MELTF: variants seen among roughly 807,000 people sequenced by gnomAD.
MELTF encodes melanotransferrin, also known as antigen p97 (melanoma associated) identified by monoclonal antibodies 133.2 and 96.5.
In MELTF, 67 loss-of-function variants were observed where a neutral mutation model predicts 83.7. The ratio of observed to expected loss-of-function variants is 0.80; its 90% CI spans 0.66 to 0.98. The LOEUF (loss-of-function observed/expected upper bound fraction) is 0.98, where lower values mean the gene tolerates loss of function less well. MELTF is among the 50% of genes least tolerant of loss of function. The pLI is 0.00. For synonymous variants in MELTF, 462 were observed against 447.6 expected, an observed-to-expected ratio of 1.03 and a Z score of -0.41; for missense variants, 1,002 against 1,035.6, an observed-to-expected ratio of 0.97 and a Z score of 0.44.
In MELTF at chr3:197,008,752, C is replaced by T. The variant is rs769982700; in HGVS notation, c.1683-28G>A. ...GCCACACAGAGGGCAGGGCAGGCGT[C>T]GGCAGGAGGGTCCCAGCCTCTGCAC... On this transcript the variant is annotated intron_variant, in intron 12 of 15. Transcript: ENST00000296350. The surrounding 1 kb of genome is among the most constrained non-coding windows in gnomAD (Gnocchi z 5.4). 62 of 1,613,792 alleles carry T rather than the reference C, an allele frequency of 3.8e-5. No homozygotes were observed. The highest frequency in any genetic ancestry group is 4.9e-5 in the Non-Finnish European group (58 of 1,179,904).
intron 1 of MELTF, chr3:197,028,208 G>A: frequency 2.8e-6 from 1 of 363,384 alleles, no homozygotes; most frequent in Non-Finnish European, 5.1e-6. Context: ...CCCCCACCTG[G>A]TGGGAGCACT....
chr3:197,020,290 C>T (rs1211816131), intron 6 of MELTF, among the ~76,000 whole-genome samples: 1 of 152,172 alleles, frequency 6.6e-6, no homozygotes, highest in African/African-American at 2.4e-5. Context: ...AAGAAATGGG[C>T]ATGAAGGACA....
chr3:197,021,436 A>G lies in MELTF; in HGVS notation c.680T>C (p.Val227Ala). The change falls in exon 6 of 16, where the codon GTG becomes GCG. Residue 227 changes from valine to alanine, a missense_variant. By Grantham distance (64) the Val-to-Ala change is moderately conservative. Transcript: ENST00000296350. ...GTTCTCCAGTACCGTGCTGTGCTTC[A>G]CAAAAGCCACGTCCCCTGCCCCTTC... Reference protein sequence around the residue: ...LAEGAGDVAFVKHSTVLENTD... With the variant: ...LAEGAGDVAFAKHSTVLENTD... 6.2e-7 allele frequency: 1 copy of G among 1,614,090 alleles called. No homozygotes were observed.
rs1029259540 is a variant in MELTF, at chr3:197,029,455, G to A, written c.49+199C>T. 2.6e-5 allele frequency among the ~76,000 whole-genome samples: 4 copies of A among 152,104 alleles called. No homozygotes were observed. Among genetic ancestry groups the A allele is most frequent in the African/African-American group, 9.7e-5 (4 of 41,430 alleles). On this transcript the variant is annotated intron_variant, in intron 1 of 15. Coordinates refer to ENST00000296350, the MANE Select transcript of MELTF (RefSeq NM_005929.6). This position sits in a 1 kb window ranked among gnomAD's most constrained non-coding sequence, Gnocchi z 6.5. The stretch of plus-strand genomic sequence containing the variant: ...GGGTGTTCGAGGCCGCCTCCTCCAA[G>A]AAGCCTTCCAGACTTCCCCGTCTGC...
At position 197,016,264 on chromosome 3, in the gene MELTF, C is replaced by T. The variant is rs530743579; in HGVS notation, c.1006G>A (p.Ala336Thr). The change falls in exon 8 of 16, where the codon GCC becomes ACC. Residue 336 changes from alanine to threonine, a missense_variant. Transcript: ENST00000296350. ...KDSTSELVPI[A>T]TQTYEAWLGH... ...AGCCACGCCTCATAGGTCTGTGTGGCGATGGGCACAAGCTCCGAGGTAGAG... is the reference window on the plus strand; with the variant it reads ...AGCCACGCCTCATAGGTCTGTGTGGTGATGGGCACAAGCTCCGAGGTAGAG... 1.4e-5 allele frequency: 22 copies of T among 1,612,732 alleles called. No individual in the cohort carries two copies. The highest frequency in any genetic ancestry group is 8.0e-5 in the African/African-American group (6 of 74,968).
chr3:197,015,550 C>CCAGTA, intron 8 of MELTF, 34 bp from the exon 9 acceptor site: 1 of 1,586,726 alleles, frequency 6.3e-7, no homozygotes, highest in Middle Eastern at 1.7e-4. Context: ...CACTGCCAGG[C>CCAGTA]CAGTACTGCC....
intron 9 of MELTF, 107 bp from the exon 10 acceptor site, chr3:197,010,901 C>T: frequency 1.1e-6 from 1 of 947,862 alleles, no homozygotes; most frequent in East Asian, 2.6e-5. Flanking sequence ...TTTGTGGCCT[C>T]AGGCTTCCTT....
rs767843503 is a variant in MELTF, at chr3:197,029,723, G to A, written c.-21C>T. 38 of 1,233,064 alleles carry A rather than the reference G, an allele frequency of 3.1e-5. No homozygotes were observed. Among genetic ancestry groups the A allele is most frequent in the Non-Finnish European group, 3.7e-5 (37 of 988,416 alleles). 76.4% of individuals were successfully genotyped at this position (1,233,064 alleles called of 1,614,324 possible). On this transcript the variant is annotated 5_prime_UTR_variant, in exon 1 of 16. Coordinates refer to ENST00000296350, the MANE Select transcript of MELTF (RefSeq NM_005929.6). This position sits in a 1 kb window ranked among gnomAD's most constrained non-coding sequence, Gnocchi z 6.5. ...CGCATGGCGCCGTCGGGGCTGGCTG[G>A]GGCCGGGCTGGGGCTGGGTCCGGGT... is the stretch of plus-strand genomic sequence containing the variant.
intron 6 of MELTF, among the ~76,000 whole-genome samples, chr3:197,017,741 G>T (rs548468391): frequency 2.2e-4 from 34 of 152,228 alleles, no homozygotes; most frequent in East Asian, 7.8e-4. Flanking sequence ...GCTGGGCGTG[G>T]TGGCGGGCGC....
rs956119378 is a variant in MELTF at position 197,026,756 on chromosome 3, G to A, written c.208C>T (p.Gln70Ter). The part of the protein sequence containing the change: ...ADHCVQLIAA[Q>*]EADAITLDGG... Reference sequence around the variant, plus strand: ...TCCAGAGTGATGGCGTCAGCCTCCTGGGCCTGCAAGGAAATGTGGCTCAGC... The same window carrying A: ...TCCAGAGTGATGGCGTCAGCCTCCTAGGCCTGCAAGGAAATGTGGCTCAGC... Residue 70 changes from glutamine to a stop codon, truncating the protein, a stop_gained, in exon 3 of 16, where the codon CAG (glutamine) becomes TAG (stop). Transcript: ENST00000296350. LOFTEE classifies it high-confidence loss of function. 1 of 1,611,658 alleles carries A rather than the reference G, an allele frequency of 6.2e-7. No homozygotes were observed. The highest frequency in any genetic ancestry group is 8.5e-7 in the Non-Finnish European group (1 of 1,179,868).
chr3:197,024,055 A>T lies in MELTF; in HGVS notation c.487+248T>A. ...GGCTGGGCCTGTGCCTGGCTGTGCCATGTGGGACACCACGATGCGTGAGCA... is the reference window on the plus strand; with the variant it reads ...GGCTGGGCCTGTGCCTGGCTGTGCCTTGTGGGACACCACGATGCGTGAGCA... On this transcript the variant is annotated intron_variant, in intron 4 of 15. Coordinates refer to ENST00000296350, the MANE Select transcript of MELTF (RefSeq NM_005929.6). This position sits in a 1 kb window ranked among gnomAD's most constrained non-coding sequence, Gnocchi z 5.3. The T allele has an allele frequency of 1.6e-6, 1 of 637,762 alleles. No individual in the cohort carries two copies. The highest frequency in any genetic ancestry group is 2.9e-6 in the Non-Finnish European group (1 of 347,224). The allele number at this position is 637,762 out of a possible 1,614,324, so 39.5% of individuals were successfully genotyped here. A position where few individuals can be genotyped will look rare whatever the true frequency, so the allele number is the denominator to read the frequency against.
In MELTF at chr3:197,002,841, C is replaced by T. The variant is rs1478873825; in HGVS notation, c.*531G>A. 1.3e-5 allele frequency: 2 copies of T among 152,126 alleles called. No individual in the cohort carries two copies. Among genetic ancestry groups the T allele is most frequent in the Non-Finnish European group, 2.9e-5 (2 of 68,018 alleles). The allele number at this position is 152,126 out of a possible 1,614,324, so 9.4% of individuals were successfully genotyped here. A position where few individuals can be genotyped will look rare whatever the true frequency, so the allele number is the denominator to read the frequency against. On this transcript the variant is annotated 3_prime_UTR_variant, in exon 16 of 16. Transcript: ENST00000296350. ...GGAGCCCCCACCCCGGACACGGTCC[C>T]GCGGGCGAAGGCTTCTCCCCGTCGC...
chr3:197,019,533 T>C, intron 6 of MELTF: 3 of 1,533,100 alleles, frequency 2.0e-6, no homozygotes, highest in Non-Finnish European at 2.7e-6. Flanking sequence ...AGGCTGGGGG[T>C]TTGAGACCAG....
At chr3:197,013,062 A>G (rs879824246) in intron 9 of MELTF, among the ~76,000 whole-genome samples, 5 of 152,246 alleles carry the variant, frequency 3.3e-5, no homozygotes, top group Non-Finnish European at 5.9e-5. Flanking sequence ...GACATTCTTT[A>G]CAGAATTAGA....
intron 2 of MELTF, among the ~76,000 whole-genome samples, chr3:197,027,303 A>G (rs1719895249): frequency 6.6e-6 from 1 of 152,180 alleles, no homozygotes; most frequent in Non-Finnish European, 1.5e-5. Context: ...GGTGCCTCGG[A>G]GGATTGTCAG....
At position 197,024,012 on chromosome 3, in the gene MELTF, C is replaced by T. The variant is rs1719740224; in HGVS notation, c.487+291G>A. 3.2e-6 allele frequency: 2 copies of T among 624,402 alleles called. No homozygotes were observed. The highest frequency in any genetic ancestry group is 2.1e-5 in the Admixed American group (1 of 47,292). The allele number at this position is 624,402 out of a possible 1,614,324, so 38.7% of individuals were successfully genotyped here. ...TGGTGGGAAGCACTCCTGGGAGATT[C>T]ACTGCTTCCCACTCATGGGCTGGGC... is the stretch of plus-strand genomic sequence containing the variant. On this transcript the variant is annotated intron_variant, in intron 4 of 15. Transcript: ENST00000296350. The surrounding 1 kb of genome is among the most constrained non-coding windows in gnomAD (Gnocchi z 5.3).
Position 197,016,259 on chromosome 3 carries a change from T to G in MELTF, c.1011A>C (p.Thr337=). Residue 337 remains threonine, a synonymous_variant, in exon 8 of 16, where the codon ACA becomes ACC. Transcript: ENST00000296350. ...DSTSELVPIA[T]QTYEAWLGHE... ...GGCCCAGCCACGCCTCATAGGTCTGTGTGGCGATGGGCACAAGCTCCGAGG... is the reference window on the plus strand; with the variant it reads ...GGCCCAGCCACGCCTCATAGGTCTGGGTGGCGATGGGCACAAGCTCCGAGG... 6.2e-7 allele frequency: 1 copy of G among 1,612,050 alleles called. No homozygotes were observed. The highest frequency in any genetic ancestry group is 1.1e-5 in the South Asian group (1 of 90,786).
At chr3:197,015,259 G>A in intron 9 of MELTF, 106 bp downstream of exon 9, 1 of 1,314,730 alleles carries the variant, frequency 7.6e-7, no homozygotes, top group African/African-American at 1.5e-5. Flanking sequence ...TGTTGCAGTA[G>A]ACACTCTCCT....
rs377067698 is a variant in MELTF, at chr3:197,015,536, C to T, written c.1082-20G>A. 83 of 1,601,636 alleles carry T rather than the reference C, an allele frequency of 5.2e-5. No homozygotes were observed. Among genetic ancestry groups the T allele is most frequent in the South Asian group, 2.1e-4 (19 of 89,472 alleles). ...GCAGCCCTGGGGTGGGGCAAGCAAG[C>T]GGTCACTGCCAGGCCAGTACTGCCA... On this transcript the variant is annotated intron_variant, in intron 8 of 15. Transcript: ENST00000296350.
Sources: allele counts gnomAD v4.1 joint callset (sites outside exome capture counted in the v4.1 genomes callset), GRCh38; gene constraint gnomAD v4.1.1; non-coding constraint Gnocchi (gnomAD v3.1); transcripts MANE v1.5; gene names NCBI Gene and HGNC (gene_info 2026-07-23, HGNC 2026-07-21).